Variants in ACSS3 observed in about 807,000 individuals in gnomAD.
ACSS3 encodes the protein acyl-CoA synthetase short-chain family member 3, mitochondrial.
Under a neutral mutation model 84.2 loss-of-function variants are expected in ACSS3, and 64 were observed. That is an observed-to-expected ratio of 0.76 (90% confidence interval 0.62 to 0.94). The LOEUF is 0.94. ACSS3 is among the 40% of genes least tolerant of loss of function. The pLI is 0.00. For missense variants in ACSS3, 815 were observed against 867.6 expected (o/e 0.94, Z 0.76); for synonymous variants, 317 against 310.1 (o/e 1.02, Z -0.23).
intron 13 of ACSS3, among the ~76,000 whole-genome samples, chr12:81,241,850 A>G (rs1442341013): frequency 6.6e-6 from 1 of 151,958 alleles, no homozygotes; most frequent in East Asian, 1.9e-4. Flanking sequence ...ATTAGATCCC[A>G]TTTGTCAATT....
chr12:81,232,763 A>T (rs543396316), intron 12 of ACSS3, among the ~76,000 whole-genome samples: 1 of 151,908 alleles, frequency 6.6e-6, no homozygotes, highest in Admixed American at 6.6e-5. Flanking sequence ...ACTCAGAAGC[A>T]TTAGGAAAAA....
chr12:81,109,794 C>G (rs1883420580), intron 2 of ACSS3, 90 bp downstream of exon 2: 1 of 1,049,310 alleles, frequency 9.5e-7, no homozygotes, highest in African/African-American at 1.7e-5. Context: ...CTTCAATTCT[C>G]TAATGCATTG....
At chr12:81,242,232 C>G (rs1376593806) in intron 13 of ACSS3, among the ~76,000 whole-genome samples, 2 of 152,186 alleles carry the variant, frequency 1.3e-5, no homozygotes, top group Non-Finnish European at 2.9e-5. Flanking sequence ...ACAAACACCT[C>G]TACGCAAATA....
At chr12:81,230,683 A>C (rs2033427866) in intron 11 of ACSS3, among the ~76,000 whole-genome samples, 1 of 151,778 alleles carries the variant, frequency 6.6e-6, no homozygotes, top group South Asian at 2.1e-4. Context: ...ACTTCAAAAA[A>C]TAAATTAACT....
intron 7 of ACSS3, among the ~76,000 whole-genome samples, chr12:81,156,601 GA>G (rs1886883487): frequency 6.6e-6 from 1 of 152,046 alleles, no homozygotes; most frequent in African/African-American, 2.4e-5. Flanking sequence ...TACCACATGT[GA>G]AACAGTAGAT....
chr12:81,090,758 C>CCA (rs1387297740), intron 1 of ACSS3, among the ~76,000 whole-genome samples: 1 of 151,982 alleles, frequency 6.6e-6, no homozygotes, highest in Non-Finnish European at 1.5e-5. Context: ...ATTTTATAAT[C>CCA]CATGGGTTTC....
intron 13 of ACSS3, among the ~76,000 whole-genome samples, chr12:81,234,347 G>A (rs2033560988): frequency 1.3e-5 from 2 of 151,112 alleles, no homozygotes; most frequent in Non-Finnish European, 3.0e-5. Context: ...TATAAATAGG[G>A]CTGTTATACA....
At chr12:81,197,074 A>G (rs2031872275) in intron 8 of ACSS3, among the ~76,000 whole-genome samples, 1 of 152,104 alleles carries the variant, frequency 6.6e-6, no homozygotes, top group Non-Finnish European at 1.5e-5. Context: ...TTCTCAGAAA[A>G]CGAACGTGGA....
chr12:81,147,983 A>G (rs1482222298), intron 5 of ACSS3, among the ~76,000 whole-genome samples: 8 of 151,442 alleles, frequency 5.3e-5, no homozygotes, highest in South Asian at 2.1e-4. Flanking sequence ...ACATGTGTGT[A>G]TGTGAATAGA....
chr12:81,094,399 T>G (rs892924450), intron 1 of ACSS3: 2 of 152,226 alleles, frequency 1.3e-5, no homozygotes, highest in Admixed American at 1.3e-4. Flanking sequence ...TTTTGTCACA[T>G]TAGTTTCAGA....
At chr12:81,217,055 G>A (rs2032946268) in intron 10 of ACSS3, 59 bp downstream of exon 10, 16 of 1,389,116 alleles carry the variant, frequency 1.2e-5, no homozygotes, top group Non-Finnish European at 1.5e-5. Flanking sequence ...CTTGCATCTA[G>A]TGTGTATTAT....
At chr12:81,100,621 T>G (rs1302675463) in intron 1 of ACSS3, among the ~76,000 whole-genome samples, 1 of 152,222 alleles carries the variant, frequency 6.6e-6, no homozygotes. Context: ...CAGAATAGCC[T>G]AGGCTATGCT....
chr12:81,116,785 T>C (rs1322069254), intron 2 of ACSS3, among the ~76,000 whole-genome samples: 2 of 152,288 alleles, frequency 1.3e-5, no homozygotes, highest in East Asian at 1.9e-4. Context: ...ATAATTCATT[T>C]ATAAGAAAGT....
chr12:81,123,379 G>C (rs1236800755), intron 2 of ACSS3, among the ~76,000 whole-genome samples: 1 of 152,158 alleles, frequency 6.6e-6, no homozygotes, highest in African/African-American at 2.4e-5. Context: ...ATAACTTTTA[G>C]AGTGTCTATT....
At chr12:81,190,250 A>G (rs1327598189) in intron 8 of ACSS3, among the ~76,000 whole-genome samples, 2 of 152,142 alleles carry the variant, frequency 1.3e-5, no homozygotes, top group African/African-American at 4.8e-5. Context: ...AGATTGATAC[A>G]GTGAAAAAGT....
Position 81,254,939 on chromosome 12 carries a change from CTATTT to C in ACSS3, c.*19_*23del. On this transcript the variant is annotated 3_prime_UTR_variant, in exon 16 of 16. Coordinates refer to ENST00000548058, the MANE Select transcript of ACSS3 (RefSeq NM_024560.4). ...CAAGCATAATGAGTTTGTCTTATTC[CTATTT>C]TGAGTTGATTTAATTTCTTAATTGA... The C allele has an allele frequency of 6.4e-7, 1 of 1,552,856 alleles. No individual in the cohort carries two copies.
At chr12:81,141,026 C>G (rs1325349934) in intron 4 of ACSS3, among the ~76,000 whole-genome samples, 1 of 152,098 alleles carries the variant, frequency 6.6e-6, no homozygotes, top group Non-Finnish European at 1.5e-5. Flanking sequence ...AAAGTCACGG[C>G]TACTAAGTGG....
intron 1 of ACSS3, among the ~76,000 whole-genome samples, chr12:81,101,689 A>G (rs1218643800): frequency 6.6e-6 from 1 of 152,076 alleles, no homozygotes; most frequent in Non-Finnish European, 1.5e-5. Flanking sequence ...GAACAAATTT[A>G]TTTGCTCACC....
intron 8 of ACSS3, among the ~76,000 whole-genome samples, chr12:81,182,361 T>C (rs2030993627): frequency 6.6e-6 from 1 of 152,138 alleles, no homozygotes; most frequent in South Asian, 2.1e-4. Context: ...GAATCCATTA[T>C]CATTAGACCT....
Sources: gnomAD v4.1 joint callset for allele counts (sites outside exome capture counted in the v4.1 genomes callset) on GRCh38, gnomAD v4.1.1 for gene constraint, MANE v1.5 for transcripts, NCBI Gene and HGNC (gene_info 2026-07-23, HGNC 2026-07-21) for gene names.